The following SNAP91 variants were observed in gnomAD, a reference collection of about 807,000 sequenced individuals.
SNAP91 encodes clathrin coat assembly protein AP180.
SNAP91 carries 27 observed loss-of-function variants against 100.3 expected under a neutral mutation model. The ratio of observed to expected loss-of-function variants is 0.27; its 90% confidence interval spans 0.20 to 0.37. The LOEUF (loss-of-function observed/expected upper bound fraction) is 0.37, where lower values mean the gene tolerates loss of function less well. Among genes scored for constraint, SNAP91 ranks in the 10% least tolerant of loss-of-function variants. The pLI is 1.00. For missense variants in SNAP91, 986 were observed against 1,123.7 expected, an observed-to-expected ratio of 0.88 and a Z score of 1.75; for synonymous variants, 404 against 398.6, an observed-to-expected ratio of 1.01 and a Z score of -0.16.
At position 83,662,400 on chromosome 6, in the gene SNAP91, G is replaced by T; in HGVS notation, c.296C>A (p.Ser99Tyr). The T allele has an allele frequency of 1.4e-6, 2 of 1,397,188 alleles. No homozygotes were observed. The highest frequency in any genetic ancestry group is 3.2e-5 in the South Asian group (2 of 63,056). 86.5% of individuals were successfully genotyped at this position (1,397,188 alleles called of 1,614,324 possible). Residue 99 changes from serine (S) to tyrosine (Y), a missense_variant, in exon 4 of 30, where the codon TCT becomes TAT. Physicochemically the swap from Ser to Tyr is moderately radical, Grantham distance 144 (BLOSUM62 -2). Coordinates refer to ENST00000369694, the MANE Select transcript of SNAP91 (RefSeq NM_001242792.2). ...GCTGAGATTGAATAGTGTATTTCTA[G>T]AAGCCAAATATTGAATAAATCTCTG... ...GNERFIQYLA[S>Y]RNTLFNLSNF...
At chr6:83,586,094 C>T (rs528954538) in intron 22 of SNAP91, among the ~76,000 whole-genome samples, 4 of 152,122 alleles carry the variant, frequency 2.6e-5, no homozygotes, top group East Asian at 1.9e-4. Context: ...GTGATCTGCC[C>T]GCCTCGGCCT....
At chr6:83,686,121 C>A (rs2099057134) in intron 2 of SNAP91, 1 of 976,130 alleles carries the variant, frequency 1.0e-6, no homozygotes, top group Admixed American at 6.2e-5. Context: ...ACATACTCTG[C>A]TTTTACCTCA....
chr6:83,622,471 T>C (rs1014069798), intron 9 of SNAP91, among the ~76,000 whole-genome samples: 5 of 152,074 alleles, frequency 3.3e-5, no homozygotes, highest in African/African-American at 7.2e-5. Flanking sequence ...TTATAATGAC[T>C]ATATTTACAA....
At chr6:83,672,131 A>T (rs759043164) in intron 2 of SNAP91, among the ~76,000 whole-genome samples, 10 of 152,126 alleles carry the variant, frequency 6.6e-5, no homozygotes, top group African/African-American at 1.2e-4. Context: ...TCTGCTACAA[A>T]TTGTGCCAAC....
chr6:83,701,197 G>A (rs1424558438), intron 2 of SNAP91, among the ~76,000 whole-genome samples: 2 of 152,162 alleles, frequency 1.3e-5, no homozygotes, highest in Non-Finnish European at 2.9e-5. Context: ...AGAGGCCAAA[G>A]AGACATGTGT....
At chr6:83,634,090 TTATAG>T (rs974935580) in intron 8 of SNAP91, among the ~76,000 whole-genome samples, 1 of 152,052 alleles carries the variant, frequency 6.6e-6, no homozygotes, top group African/African-American at 2.4e-5. Context: ...ACCCTAAAAC[TTATAG>T]TATAATAATA....
chr6:83,694,724 G>A (rs555388018), intron 2 of SNAP91, among the ~76,000 whole-genome samples: 26 of 152,092 alleles, frequency 1.7e-4, no homozygotes, highest in Admixed American at 5.9e-4. Context: ...AAGCGAAACA[G>A]GGGGTGGAGG....
chr6:83,679,399 G>A (rs1469541638), intron 2 of SNAP91, among the ~76,000 whole-genome samples: 2 of 152,164 alleles, frequency 1.3e-5, no homozygotes, highest in Non-Finnish European at 2.9e-5. Context: ...TAAAAACACT[G>A]AAGAGAAGTT....
chr6:83,664,609 T>C (rs2098640174), intron 3 of SNAP91, among the ~76,000 whole-genome samples: 1 of 151,998 alleles, frequency 6.6e-6, no homozygotes, highest in East Asian at 1.9e-4. Flanking sequence ...GGATGAGGAG[T>C]TGCTTCTTAT....
chr6:83,657,329 C>T (rs955633252), intron 6 of SNAP91, among the ~76,000 whole-genome samples: 3 of 152,164 alleles, frequency 2.0e-5, no homozygotes, highest in Admixed American at 6.5e-5. Flanking sequence ...TAACTGTTCA[C>T]CTATTCCAAA....
rs190777048 is a variant in SNAP91, at chr6:83,601,594, A to G, written c.1147T>C (p.Leu383=). The G allele has an allele frequency of 3.9e-4, 627 of 1,613,618 alleles. 1 individual carries two copies. Among genetic ancestry groups the G allele is most frequent in the Non-Finnish European group, 5.1e-4 (600 of 1,179,588 alleles). The change falls in exon 15 of 30, where the codon TTG becomes CTG. Residue 383 remains leucine (L), a synonymous_variant. Coordinates refer to ENST00000369694, the MANE Select transcript of SNAP91 (RefSeq NM_001242792.2). The part of the protein sequence containing the change: ...AGGATAWGDL[L]GEDSLAALSS... The stretch of plus-strand genomic sequence containing the variant: ...ACAAAGCTTTACTCACCCTCTCCCA[A>G]AAGGTCTACCGATGTCCATTACATG...
At chr6:83,593,845 C>A in intron 17 of SNAP91, 104 bp from the exon 18 acceptor site, 1 of 1,462,124 alleles carries the variant, frequency 6.8e-7, no homozygotes. Context: ...TATTTACACA[C>A]TAGCTAGGTG....
intron 2 of SNAP91, among the ~76,000 whole-genome samples, chr6:83,699,648 G>A (rs1275986391): frequency 6.6e-6 from 1 of 152,166 alleles, no homozygotes; most frequent in African/African-American, 2.4e-5. Context: ...GAATTTTCCA[G>A]ACTTGATGCG....
intron 2 of SNAP91, among the ~76,000 whole-genome samples, chr6:83,705,880 T>C (rs938411138): frequency 1.6e-4 from 24 of 151,698 alleles, no homozygotes; most frequent in Admixed American, 4.6e-4. Context: ...ATTAATAATA[T>C]AAAGTTCAGT....
intron 28 of SNAP91, among the ~76,000 whole-genome samples, chr6:83,557,434 G>A (rs969460675): frequency 2.6e-5 from 4 of 152,090 alleles, no homozygotes; most frequent in South Asian, 2.1e-4. Context: ...TTGGGAGGCC[G>A]AGGCAGGAGG....
intron 26 of SNAP91, among the ~76,000 whole-genome samples, chr6:83,569,013 C>T (rs1304554741): frequency 2.6e-5 from 4 of 152,050 alleles, no homozygotes; most frequent in Non-Finnish European, 4.4e-5. Flanking sequence ...ATAGTTCCCT[C>T]AGAATAATTT....
Position 83,593,216 on chromosome 6 carries a change from T to C in SNAP91, c.1740A>G (p.Pro580=). 1 of 1,596,988 alleles carries C rather than the reference T, an allele frequency of 6.3e-7. No individual in the cohort carries two copies. The highest frequency in any genetic ancestry group is 8.5e-7 in the Non-Finnish European group (1 of 1,171,318). ...STPEVAAAPK[P]DAAPSIDLFS... ...ACAGGTCTATGCTAGGAGCAGCATCTGGCTTAGGCGCTGCAGCAACTTCAG... is the reference window on the plus strand; with the variant it reads ...ACAGGTCTATGCTAGGAGCAGCATCCGGCTTAGGCGCTGCAGCAACTTCAG... The change falls in exon 19 of 30, where the codon CCA becomes CCG. Residue 580 remains proline, a synonymous_variant. Transcript: ENST00000369694.
intron 26 of SNAP91, among the ~76,000 whole-genome samples, chr6:83,571,804 G>C (rs1359426971): frequency 1.3e-5 from 2 of 152,174 alleles, no homozygotes; most frequent in African/African-American, 2.4e-5. Flanking sequence ...TGGTTTGGCT[G>C]TGTCACCACC....
At chr6:83,607,647 C>A in intron 13 of SNAP91, 52 bp downstream of exon 13, 3 of 1,211,576 alleles carry the variant, frequency 2.5e-6, no homozygotes, top group Non-Finnish European at 3.5e-6. Context: ...AAAATAAAAC[C>A]AAACTCTAAT....
Sources: gnomAD v4.1 joint callset for allele counts (sites outside exome capture counted in the v4.1 genomes callset) on GRCh38, gnomAD v4.1.1 for gene constraint, MANE v1.5 for transcripts, NCBI Gene and HGNC (gene_info 2026-07-23, HGNC 2026-07-21) for gene names.